The following MICU2 variants were observed in gnomAD, a reference collection of about 807,000 sequenced individuals.
MICU2 encodes the protein mitochondrial calcium uptake 2, also known as calcium uptake protein 2, mitochondrial.
MICU2 carries 64 observed loss-of-function variants against 60.4 expected under a neutral mutation model. The observed-to-expected ratio is 1.06, with a 90% CI of 0.87 to 1.31. The LOEUF (loss-of-function observed/expected upper bound fraction) is 1.31. MICU2 is among the 50% of genes most tolerant of loss of function. MICU2 has a pLI of 0.00. For missense variants in MICU2, 569 were observed against 531.0 expected (o/e 1.07, Z -0.70); for synonymous variants, 201 against 175.0 (o/e 1.15, Z -1.17).
At chr13:21,513,772 T>A (rs887956089) in intron 7 of MICU2, among the ~76,000 whole-genome samples, 1 of 139,796 alleles carries the variant, frequency 7.2e-6, no homozygotes, top group African/African-American at 2.6e-5. Context: ...AAAGACAACT[T>A]TACATATATT....
chr13:21,497,281 T>C (rs550187048), intron 9 of MICU2, among the ~76,000 whole-genome samples: 42 of 151,002 alleles, frequency 2.8e-4, no homozygotes, highest in South Asian at 1.5e-3. Flanking sequence ...AGGAGAATTG[T>C]TTAAACCCGT....
At chr13:21,501,332 A>C (rs546927302) in intron 9 of MICU2, among the ~76,000 whole-genome samples, 11 of 151,480 alleles carry the variant, frequency 7.3e-5, no homozygotes, top group Admixed American at 2.6e-4. Flanking sequence ...GCGCAATCTC[A>C]GCTCACTGAA....
At chr13:21,537,743 G>A (rs926228516) in intron 4 of MICU2, among the ~76,000 whole-genome samples, 17 of 152,066 alleles carry the variant, frequency 1.1e-4, no homozygotes, top group African/African-American at 3.1e-4. Flanking sequence ...GCCTCCCAAA[G>A]TGCTGGGATT....
At chr13:21,525,181 ATTTTTTTTTTTTTTTT>A (rs71093324) in intron 4 of MICU2, among the ~76,000 whole-genome samples, 4 of 83,300 alleles carry the variant, frequency 4.8e-5, no homozygotes, top group East Asian at 4.9e-4. Context: ...GTGTAATTCA[ATTTTTTTTTTTTTTTT>A]TTTTTTTTTT....
At chr13:21,594,045 G>A (rs911068163) in intron 1 of MICU2, among the ~76,000 whole-genome samples, 2 of 152,058 alleles carry the variant, frequency 1.3e-5, no homozygotes, top group Non-Finnish European at 2.9e-5. Flanking sequence ...TCTAATTAAA[G>A]TAAAGAGCTT....
At chr13:21,574,659 C>T (rs1032858743) in intron 1 of MICU2, among the ~76,000 whole-genome samples, 11 of 152,268 alleles carry the variant, frequency 7.2e-5, no homozygotes, top group African/African-American at 2.2e-4. Flanking sequence ...AAGGGCCTTC[C>T]CTATAGCTTT....
At chr13:21,519,909 G>T (rs548574370) in intron 6 of MICU2, among the ~76,000 whole-genome samples, 24 of 152,124 alleles carry the variant, frequency 1.6e-4, no homozygotes, top group Admixed American at 1.6e-3. Flanking sequence ...ATCATGCACC[G>T]GATGAGTTTT....
chr13:21,536,004 C>T (rs930932794), intron 4 of MICU2, among the ~76,000 whole-genome samples: 1 of 152,074 alleles, frequency 6.6e-6, no homozygotes, highest in Non-Finnish European at 1.5e-5. Flanking sequence ...GTTCACTAAC[C>T]ATATACTACA....
At chr13:21,574,664 A>G (rs1233557136) in intron 1 of MICU2, among the ~76,000 whole-genome samples, 1 of 152,242 alleles carries the variant, frequency 6.6e-6, no homozygotes, top group Non-Finnish European at 1.5e-5. Context: ...CCTTCCCTAT[A>G]GCTTTCAATA....
intron 2 of MICU2, among the ~76,000 whole-genome samples, chr13:21,549,012 T>C (rs755999227): frequency 8.8e-5 from 13 of 147,360 alleles, no homozygotes; most frequent in East Asian, 4.4e-4. Flanking sequence ...CCGCAAGCTC[T>C]GCCTCCTGGG....
chr13:21,497,358 CTG>C (rs1375876912), intron 9 of MICU2, among the ~76,000 whole-genome samples: 6 of 152,038 alleles, frequency 3.9e-5, no homozygotes, highest in African/African-American at 4.8e-5. Flanking sequence ...GAGTGAGACT[CTG>C]TGTAAAAACA....
chr13:21,550,572 T>G lies in MICU2; in HGVS notation c.359-10884A>C, dbSNP rs1403018177. On this transcript the variant is annotated intron_variant, in intron 2 of 11. Coordinates refer to ENST00000382374, the MANE Select transcript of MICU2 (RefSeq NM_152726.3). ...ACAAAGCAAAATAAACAAAAACTTT[T>G]GCAGGGGTCTACCAATTATGGGAAT... Among the ~76,000 whole-genome samples, 3 of 152,132 alleles carry G rather than the reference T, an allele frequency of 2.0e-5. No homozygotes were observed. The East Asian group carries it at 5.8e-4, about 29-fold the overall frequency.
intron 1 of MICU2, among the ~76,000 whole-genome samples, chr13:21,594,694 A>G (rs1888654854): frequency 6.6e-6 from 1 of 152,260 alleles, no homozygotes; most frequent in South Asian, 2.1e-4. Context: ...AATACTATGC[A>G]GCCATAAAAG....
chr13:21,496,492 G>T (rs1049598381), intron 9 of MICU2: 3 of 269,072 alleles, frequency 1.1e-5, no homozygotes, highest in Non-Finnish European at 2.1e-5. Flanking sequence ...GCGGCAGCTT[G>T]AAGAGACTAA....
intron 4 of MICU2, among the ~76,000 whole-genome samples, chr13:21,537,556 G>A (rs9316442): frequency 0.4 from 59,664 of 149,304 alleles, 12,617 homozygotes; most frequent in East Asian, 0.67. Flanking sequence ...TGCAACCTCT[G>A]CCTCCCAGGT....
chr13:21,507,128 T>C (rs1886308950), intron 8 of MICU2, among the ~76,000 whole-genome samples: 1 of 152,172 alleles, frequency 6.6e-6, no homozygotes, highest in Admixed American at 6.5e-5. Context: ...CTTGAAAAAT[T>C]TCATTTTTAA....
intron 2 of MICU2, among the ~76,000 whole-genome samples, chr13:21,547,239 G>C (rs968452475): frequency 6.6e-6 from 1 of 152,178 alleles, no homozygotes; most frequent in Non-Finnish European, 1.5e-5. Flanking sequence ...CTTTTGATGG[G>C]GAGTGATAAG....
intron 2 of MICU2, among the ~76,000 whole-genome samples, chr13:21,544,456 G>A (rs1210053505): frequency 7.6e-6 from 1 of 131,910 alleles, no homozygotes; most frequent in African/African-American, 2.8e-5. Context: ...TTAAAAATGG[G>A]CAAAGAGCCT....
chr13:21,507,695 C>G (rs894404736), intron 8 of MICU2, among the ~76,000 whole-genome samples: 2 of 151,478 alleles, frequency 1.3e-5, no homozygotes, highest in Non-Finnish European at 2.9e-5. Flanking sequence ...CCTCTGCTGC[C>G]CGGGTTCAAG....
Sources: allele counts gnomAD v4.1 joint callset (sites outside exome capture counted in the v4.1 genomes callset), GRCh38; gene constraint gnomAD v4.1.1; transcripts MANE v1.5; gene names NCBI Gene and HGNC (gene_info 2026-07-23, HGNC 2026-07-21).